NPHP4: variants seen among roughly 807,000 people sequenced by gnomAD.
NPHP4 encodes the protein nephrocystin 4.
Under a neutral mutation model 155.8 loss-of-function variants are expected in NPHP4, and 151 were observed. The observed-to-expected ratio is 0.97, with a 90% CI of 0.85 to 1.11. The LOEUF is 1.11. Among genes scored for constraint, NPHP4 ranks in the 50% least tolerant of loss-of-function variants. The pLI is 0.00. For missense variants in NPHP4, 1,956 were observed against 1,925.7 expected, an observed-to-expected ratio of 1.02 and a Z score of -0.29; for synonymous variants, 845 against 816.8, an observed-to-expected ratio of 1.03 and a Z score of -0.59.
intron 9 of NPHP4, among the ~76,000 whole-genome samples, chr1:5,934,199 T>G (rs1350901271): frequency 6.6e-6 from 1 of 152,152 alleles, no homozygotes; most frequent in East Asian, 1.9e-4. Flanking sequence ...CTGCAGATCC[T>G]GCAGGCTCCC....
rs763599698 is a variant in NPHP4 at position 5,863,935 on chromosome 1, G to C, written c.4095C>G (p.His1365Gln). 2.5e-6 allele frequency: 4 copies of C among 1,613,906 alleles called. No individual in the cohort carries two copies. The highest frequency in any genetic ancestry group is 3.4e-6 in the Non-Finnish European group (4 of 1,179,844). ...PYPSRRTFHL[H>Q]SDHPELLRFR... ...ACCGCAGCAGCTCCGGGTGGTCGCT[G>C]TGCAGGTGGAATGTCCTCCGGGAGG... The change falls in exon 29 of 30, where the codon CAC becomes CAG. Residue 1365 changes from histidine (H) to glutamine (Q), a missense_variant. Coordinates refer to ENST00000378156, the MANE Select transcript of NPHP4 (RefSeq NM_015102.5).
At chr1:5,939,889 C>T (rs150850492) in intron 9 of NPHP4, among the ~76,000 whole-genome samples, 10 of 152,252 alleles carry the variant, frequency 6.6e-5, no homozygotes, top group Non-Finnish European at 1.5e-4. Flanking sequence ...TAGCCCAACG[C>T]AGTTGACAGT....
At chr1:5,984,510 G>GCACTACA (rs1655173201) in intron 2 of NPHP4, among the ~76,000 whole-genome samples, 1 of 152,128 alleles carries the variant, frequency 6.6e-6, no homozygotes, top group Non-Finnish European at 1.5e-5. Flanking sequence ...ACTACAGCCT[G>GCACTACA]GGTGACAGAG....
chr1:5,902,549 T>C (rs1025728521), intron 16 of NPHP4, among the ~76,000 whole-genome samples: 3 of 152,254 alleles, frequency 2.0e-5, no homozygotes, highest in African/African-American at 4.8e-5. Context: ...CCCAACTGTT[T>C]GGTTGACCCG....
intron 1 of NPHP4, among the ~76,000 whole-genome samples, chr1:5,991,209 G>C (rs916713921): frequency 6.6e-6 from 1 of 152,142 alleles, no homozygotes; most frequent in Non-Finnish European, 1.5e-5. Flanking sequence ...CCTCATTCAT[G>C]AGCATTCTTT....
Position 5,910,456 on chromosome 1 carries a change from C to T in NPHP4, c.1442-1243G>A, listed in dbSNP as rs1645123456. Among the ~76,000 whole-genome samples the T allele has an allele frequency of 6.6e-6, 1 of 152,178 alleles. No homozygotes were observed. The highest frequency in any genetic ancestry group is 2.1e-4 in the South Asian group (1 of 4,828). ...GGCCCACATCTTGGGCCCAGCAGCT[C>T]GCCTTCCCTCCCTCTCCTGTGGCCT... On this transcript the variant is annotated intron_variant, in intron 11 of 29. Transcript: ENST00000378156. The surrounding 1 kb of genome is among the most constrained non-coding windows in gnomAD (Gnocchi z 5.4).
rs372386562 is a variant in NPHP4 at position 5,905,794 on chromosome 1, C to T, written c.1612-11G>A. ...CAACGGGAACTCCTGCTGAACAAAA[C>T]GAGGGCTTCCAAGTGAGGCCACCAA... On this transcript the variant is annotated splice_polypyrimidine_tract_variant and intron_variant, in intron 13 of 29. Coordinates refer to ENST00000378156, the MANE Select transcript of NPHP4 (RefSeq NM_015102.5). The surrounding 1 kb of genome is among the most constrained non-coding windows in gnomAD (Gnocchi z 4.0). 3.4e-5 allele frequency: 54 copies of T among 1,595,910 alleles called. No individual in the cohort carries two copies. The highest frequency in any genetic ancestry group is 4.2e-5 in the Non-Finnish European group (49 of 1,170,726).
chr1:5,911,565 G>C (rs1429965547), intron 11 of NPHP4, among the ~76,000 whole-genome samples: 2 of 152,166 alleles, frequency 1.3e-5, no homozygotes, highest in African/African-American at 4.8e-5. Context: ...TTTGCATACA[G>C]TGTGGAAAGT....
At chr1:5,864,143 C>T (rs963009633) in intron 28 of NPHP4, 110 bp from the exon 29 acceptor site, 1 of 1,317,392 alleles carries the variant, frequency 7.6e-7, no homozygotes, top group African/African-American at 1.5e-5. Context: ...GGGACCCCCA[C>T]AGAGATAAGA....
At chr1:5,988,366 G>A (rs1655783626) in intron 1 of NPHP4, among the ~76,000 whole-genome samples, 1 of 152,202 alleles carries the variant, frequency 6.6e-6, no homozygotes, top group South Asian at 2.1e-4. Context: ...AAGCAAACAG[G>A]AGCCTTCAGC....
At chr1:5,894,136 T>C (rs1644278282) in intron 16 of NPHP4, among the ~76,000 whole-genome samples, 1 of 152,262 alleles carries the variant, frequency 6.6e-6, no homozygotes, top group Non-Finnish European at 1.5e-5. Context: ...GTCCTCGTTC[T>C]CTTGCCTCAG....
intron 3 of NPHP4, among the ~76,000 whole-genome samples, chr1:5,977,788 AC>A (rs1218792919): frequency 7.8e-6 from 1 of 128,702 alleles, no homozygotes; most frequent in Non-Finnish European, 1.6e-5. Context: ...AGGCTCTGAT[AC>A]CTGCTACCTG....
intron 16 of NPHP4, among the ~76,000 whole-genome samples, chr1:5,904,089 G>A (rs1312073904): frequency 6.6e-6 from 1 of 152,208 alleles, no homozygotes; most frequent in African/African-American, 2.4e-5. Context: ...ACGCTCTACA[G>A]TACAATGTGG....
chr1:5,968,533 G>C (rs916693991), intron 4 of NPHP4, among the ~76,000 whole-genome samples: 1 of 151,962 alleles, frequency 6.6e-6, no homozygotes, highest in East Asian at 1.9e-4. Flanking sequence ...GGCTGGAGGC[G>C]GAGGTGGCAG....
intron 16 of NPHP4, among the ~76,000 whole-genome samples, chr1:5,897,965 T>C (rs1167031756): frequency 2.6e-5 from 4 of 152,080 alleles, no homozygotes; most frequent in Admixed American, 6.6e-5. Flanking sequence ...TGGGGACATA[T>C]GGGATTAGGG....
Position 5,877,224 on chromosome 1 carries a change from G to A in NPHP4, c.2686C>T (p.Arg896Trp), listed in dbSNP as rs754364004. ...ELAAMLLTHA[R>W]QGKGPQDVSR... ...ACGTCCTGGGGCCCCTTGCCCTGCC[G>A]GGCATGGGTCAGTAGCATGGCAGCC... Residue 896 changes from arginine to tryptophan, a missense_variant, in exon 20 of 30, where the codon CGG becomes TGG. Coordinates refer to ENST00000378156, the MANE Select transcript of NPHP4 (RefSeq NM_015102.5). 6.8e-6 allele frequency: 11 copies of A among 1,608,016 alleles called. No homozygotes were observed. Among genetic ancestry groups the A allele is most frequent in the Admixed American group, 3.4e-5 (2 of 59,528 alleles).
In NPHP4 at chr1:5,907,234, G is replaced by C. The variant is rs753092403; in HGVS notation, c.1504-12C>G. 6.5e-6 allele frequency: 10 copies of C among 1,539,214 alleles called. No individual in the cohort carries two copies. The Admixed American group carries it at 1.9e-4, about 29-fold the overall frequency. ...TGGGAAATTGACAACTGGAAGGAAA[G>C]AGAGCACAGGTGAGGGGCTCAGAAG... is the stretch of plus-strand genomic sequence containing the variant. On this transcript the variant is annotated splice_polypyrimidine_tract_variant and intron_variant, in intron 12 of 29. Transcript: ENST00000378156.
At chr1:5,974,741 A>G (rs555172383) in intron 3 of NPHP4, among the ~76,000 whole-genome samples, 1 of 151,412 alleles carries the variant, frequency 6.6e-6, no homozygotes, top group African/African-American at 2.4e-5. Flanking sequence ...CTGTGTTCCA[A>G]GTCTCTTTCA....
chr1:5,946,664 G>T (rs896142108), intron 9 of NPHP4, among the ~76,000 whole-genome samples: 3 of 152,360 alleles, frequency 2.0e-5, no homozygotes, highest in Admixed American at 2.0e-4. Flanking sequence ...ACTGTGGCTG[G>T]TAGCCCCTAG....
Sources: allele counts gnomAD v4.1 joint callset (sites outside exome capture counted in the v4.1 genomes callset), GRCh38; gene constraint gnomAD v4.1.1; non-coding constraint Gnocchi (gnomAD v3.1); transcripts MANE v1.5; gene names NCBI Gene and HGNC (gene_info 2026-07-23, HGNC 2026-07-21).